ROBO2: variants seen among roughly 807,000 people sequenced by gnomAD.
ROBO2 encodes roundabout homolog 2.
Under a neutral mutation model 160.8 loss-of-function variants are expected in ROBO2, and 53 were observed. The ratio of observed to expected loss-of-function variants is 0.33; its 90% CI spans 0.26 to 0.41. ROBO2 has a LOEUF of 0.41. ROBO2 is among the 10% of genes least tolerant of loss of function. ROBO2 has a pLI of 1.00. For missense variants in ROBO2, 1,577 were observed against 1,722.4 expected, an observed-to-expected ratio of 0.92 and a Z score of 1.49; for synonymous variants, 664 against 611.7, an observed-to-expected ratio of 1.09 and a Z score of -1.26.
At chr3:76,594,055 G>A (rs1306030358) in intron 2 of ROBO2, among the ~76,000 whole-genome samples, 1 of 151,980 alleles carries the variant, frequency 6.6e-6, no homozygotes, top group Non-Finnish European at 1.5e-5. Flanking sequence ...AATCTTACAG[G>A]AAAGCAGTAT....
At chr3:77,094,786 A>G (rs1036711401) in intron 1 of ROBO2, among the ~76,000 whole-genome samples, 1 of 152,156 alleles carries the variant, frequency 6.6e-6, no homozygotes, top group African/African-American at 2.4e-5. Flanking sequence ...ATAGCTAATG[A>G]TGTTGAGTAT....
intron 2 of ROBO2, among the ~76,000 whole-genome samples, chr3:76,446,391 G>A (rs115845113): frequency 0.03 from 4,511 of 151,962 alleles, 227 homozygotes; most frequent in African/African-American, 0.1. Context: ...AAATAGAAGA[G>A]GACACAAACA....
intron 2 of ROBO2, among the ~76,000 whole-genome samples, chr3:76,614,994 C>G (rs1200498871): frequency 3.3e-5 from 5 of 152,028 alleles, no homozygotes; most frequent in Non-Finnish European, 7.4e-5. Flanking sequence ...AAGATTAGGA[C>G]CAAAACTTAA....
chr3:76,835,322 A>G (rs2067584355), intron 2 of ROBO2, among the ~76,000 whole-genome samples: 1 of 150,012 alleles, frequency 6.7e-6, no homozygotes, highest in African/African-American at 2.4e-5. Flanking sequence ...TGTTATTTTT[A>G]AAATAAAGGG....
intron 2 of ROBO2, among the ~76,000 whole-genome samples, chr3:76,850,394 T>C (rs1248142328): frequency 6.6e-6 from 1 of 152,170 alleles, no homozygotes. Flanking sequence ...CAGTATCCCG[T>C]GACCTTACCT....
chr3:77,038,817 A>G (rs6781820), upstream of ROBO2, among the ~76,000 whole-genome samples: 151,765 of 152,290 alleles, frequency 1, 75,622 homozygotes, highest in Non-Finnish European at 1. Context: ...TAATTTTCAG[A>G]GTTTTGTCGT....
intron 2 of ROBO2, among the ~76,000 whole-genome samples, chr3:76,196,665 A>G (rs944340738): frequency 4.6e-5 from 7 of 152,128 alleles, no homozygotes; most frequent in Non-Finnish European, 1.0e-4. Flanking sequence ...AAATTCTGTA[A>G]GGAAAAACTG....
chr3:76,184,688 T>C (rs957116210), intron 2 of ROBO2, among the ~76,000 whole-genome samples: 1 of 151,982 alleles, frequency 6.6e-6, no homozygotes, highest in Non-Finnish European at 1.5e-5. Flanking sequence ...CTGAGATGCT[T>C]GGCTCAGTCC....
chr3:76,619,591 C>G (rs1460297640), intron 2 of ROBO2, among the ~76,000 whole-genome samples: 1 of 152,144 alleles, frequency 6.6e-6, no homozygotes, highest in East Asian at 1.9e-4. Flanking sequence ...TTGTCTAACT[C>G]CAGCATATTA....
chr3:77,596,753 A>G lies in ROBO2; in HGVS notation c.2854+3A>G, dbSNP rs770739281. 6.2e-7 allele frequency: 1 copy of G among 1,612,914 alleles called. No homozygotes were observed. The highest frequency in any genetic ancestry group is 1.3e-5 in the African/African-American group (1 of 74,746). On this transcript the variant is annotated splice_donor_region_variant and intron_variant, in intron 19 of 25. Transcript: ENST00000461745. Reference sequence around the variant, plus strand: ...GATTGGAAATTTTGGCCGTGGAGGTAAGTTGTGTTTTTTAAAATAGTGTTA... The same window carrying G: ...GATTGGAAATTTTGGCCGTGGAGGTGAGTTGTGTTTTTTAAAATAGTGTTA...
At chr3:77,250,329 T>C (rs1365465544) in intron 2 of ROBO2, among the ~76,000 whole-genome samples, 1 of 152,220 alleles carries the variant, frequency 6.6e-6, no homozygotes, top group Non-Finnish European at 1.5e-5. Flanking sequence ...AGATGCCTGG[T>C]CTGTGCTATT....
At chr3:77,289,792 T>A in intron 2 of ROBO2, among the ~76,000 whole-genome samples, 1 of 151,958 alleles carries the variant, frequency 6.6e-6, no homozygotes, top group Non-Finnish European at 1.5e-5. Context: ...AAGCTGAGGC[T>A]AGATCACCAA....
At chr3:77,399,583 C>T (rs1226177957) in intron 2 of ROBO2, among the ~76,000 whole-genome samples, 2 of 151,940 alleles carry the variant, frequency 1.3e-5, no homozygotes, top group African/African-American at 4.8e-5. Flanking sequence ...GGAATGGTAC[C>T]TTAATGACCA....
intron 2 of ROBO2, among the ~76,000 whole-genome samples, chr3:77,241,481 T>C (rs2089027926): frequency 6.6e-6 from 1 of 152,242 alleles, no homozygotes. Flanking sequence ...TCATTCAAAT[T>C]CAGTTTGTGC....
chr3:77,133,401 A>G (rs1329270715), intron 2 of ROBO2, among the ~76,000 whole-genome samples: 1 of 152,210 alleles, frequency 6.6e-6, no homozygotes, highest in Non-Finnish European at 1.5e-5. Flanking sequence ...CACTGTGCTA[A>G]CAATAAGATT....
chr3:76,842,294 C>T (rs927687258), intron 2 of ROBO2, among the ~76,000 whole-genome samples: 5 of 152,306 alleles, frequency 3.3e-5, no homozygotes, highest in East Asian at 1.9e-4. Context: ...AGGGTATTGG[C>T]TGCTAACTGT....
intron 2 of ROBO2, among the ~76,000 whole-genome samples, chr3:76,356,850 A>T (rs2075201461): frequency 6.6e-6 from 1 of 151,920 alleles, no homozygotes; most frequent in African/African-American, 2.4e-5. Flanking sequence ...AAGATAGATG[A>T]TATTCCTACT....
At chr3:76,249,097 G>A (rs1705819410) in intron 2 of ROBO2, among the ~76,000 whole-genome samples, 1 of 152,040 alleles carries the variant, frequency 6.6e-6, no homozygotes, top group Admixed American at 6.6e-5. Context: ...CTTTGATAAG[G>A]TCTTCGTTAT....
chr3:77,553,135 G>T (rs1721201), intron 8 of ROBO2, among the ~76,000 whole-genome samples: 84,950 of 151,718 alleles, frequency 0.56, 23,853 homozygotes, highest in Middle Eastern at 0.68. Context: ...TTGTGCCTCT[G>T]TGTCACATTT....
Sources: gnomAD v4.1 joint callset for allele counts (sites outside exome capture counted in the v4.1 genomes callset) on GRCh38, gnomAD v4.1.1 for gene constraint, MANE v1.5 for transcripts, NCBI Gene and HGNC (gene_info 2026-07-23, HGNC 2026-07-21) for gene names.